The following PSMD14 variants were observed in gnomAD, a reference collection of about 807,000 sequenced individuals.
PSMD14 encodes the protein ubiquitin C-terminal hydrolase PSMD14.
PSMD14 carries 7 observed loss-of-function variants against 41.2 expected under a neutral mutation model. The ratio of observed to expected loss-of-function variants is 0.17; its 90% CI spans 0.10 to 0.32. PSMD14 has a LOEUF of 0.32. PSMD14 is among the 10% of genes least tolerant of loss of function. PSMD14 has a pLI of 1.00. For missense variants in PSMD14, 139 were observed against 375.6 expected, an observed-to-expected ratio of 0.37 and a Z score of 5.21; for synonymous variants, 114 against 122.3, an observed-to-expected ratio of 0.93 and a Z score of 0.45.
intron 3 of PSMD14, among the ~76,000 whole-genome samples, chr2:161,364,414 G>A (rs4664420): frequency 0.67 from 102,358 of 151,850 alleles, 34,760 homozygotes; most frequent in Admixed American, 0.73. Flanking sequence ...TGCAACATTT[G>A]GGGAGGAAAA....
chr2:161,327,946 C>CTGTGTGTGTGTGTG (rs369674882), intron 3 of PSMD14, among the ~76,000 whole-genome samples: 11,298 of 116,778 alleles, frequency 0.097, 942 homozygotes, highest in Non-Finnish European at 0.11. Context: ...CTCATGTAAG[C>CTGTGTGTGTGTGTG]TGTGTGTGTG....
chr2:161,332,991 TAA>T (rs1445375486), intron 3 of PSMD14, among the ~76,000 whole-genome samples: 2 of 152,214 alleles, frequency 1.3e-5, no homozygotes, highest in Admixed American at 6.5e-5. Context: ...AATAAGTGTA[TAA>T]GAGCATAGTA....
intron 3 of PSMD14, among the ~76,000 whole-genome samples, chr2:161,356,626 C>T (rs1683201807): frequency 6.6e-6 from 1 of 151,764 alleles, no homozygotes; most frequent in Non-Finnish European, 1.5e-5. Context: ...GTTCCTAAAG[C>T]CTATTTTCTT....
chr2:161,343,180 G>A (rs895528305), intron 3 of PSMD14, among the ~76,000 whole-genome samples: 12 of 151,806 alleles, frequency 7.9e-5, no homozygotes, highest in Admixed American at 1.3e-4. Context: ...CTTTTTCATC[G>A]TCCCAAACTG....
chr2:161,339,348 G>A (rs910241061), intron 3 of PSMD14, among the ~76,000 whole-genome samples: 2 of 152,084 alleles, frequency 1.3e-5, no homozygotes, highest in African/African-American at 4.8e-5. Flanking sequence ...GTGGTTAATA[G>A]TATCTGATTG....
chr2:161,310,854 A>G (rs1419227399), intron 1 of PSMD14, among the ~76,000 whole-genome samples: 1 of 151,954 alleles, frequency 6.6e-6, no homozygotes, highest in Non-Finnish European at 1.5e-5. Context: ...CCCTTTACAT[A>G]TTTTTTATGG....
At chr2:161,387,793 T>C (rs1479988425) in intron 8 of PSMD14, among the ~76,000 whole-genome samples, 1 of 152,000 alleles carries the variant, frequency 6.6e-6, no homozygotes, top group Non-Finnish European at 1.5e-5. Flanking sequence ...GTGAAACATA[T>C]ATTGCTTTTA....
chr2:161,379,006 G>A (rs1574135941), intron 7 of PSMD14, among the ~76,000 whole-genome samples: 2 of 152,104 alleles, frequency 1.3e-5, no homozygotes, highest in South Asian at 4.1e-4. Context: ...TTGTTTGAAT[G>A]TGGTGTTACA....
intron 3 of PSMD14, among the ~76,000 whole-genome samples, chr2:161,345,604 A>G (rs886500195): frequency 2.6e-5 from 4 of 151,932 alleles, no homozygotes; most frequent in African/African-American, 9.7e-5. Context: ...TTTTTTCTTT[A>G]TCACTGATTT....
chr2:161,312,439 T>C (rs1219288479), intron 1 of PSMD14, among the ~76,000 whole-genome samples: 2 of 152,186 alleles, frequency 1.3e-5, no homozygotes, highest in African/African-American at 4.8e-5. Context: ...CCACTGCACC[T>C]GGCCAAAAAT....
chr2:161,364,004 T>C (rs1683325371), intron 3 of PSMD14, among the ~76,000 whole-genome samples: 1 of 152,222 alleles, frequency 6.6e-6, no homozygotes, highest in Non-Finnish European at 1.5e-5. Flanking sequence ...TGCCTTGGTG[T>C]ACTGGAAGAA....
At chr2:161,390,930 G>A (rs1683702811) in intron 8 of PSMD14, among the ~76,000 whole-genome samples, 174 bp from the exon 9 acceptor site, 1 of 152,012 alleles carries the variant, frequency 6.6e-6, no homozygotes, top group African/African-American at 2.4e-5. Flanking sequence ...CTAAACCTTA[G>A]TTTTAAACTT....
At chr2:161,344,015 A>G (rs530735944) in intron 3 of PSMD14, among the ~76,000 whole-genome samples, 21 of 151,590 alleles carry the variant, frequency 1.4e-4, no homozygotes, top group African/African-American at 4.8e-4. Context: ...TTTACATTGT[A>G]TTAGGTATTA....
At chr2:161,322,599 G>C (rs1025269695) in intron 3 of PSMD14, among the ~76,000 whole-genome samples, 2 of 151,864 alleles carry the variant, frequency 1.3e-5, no homozygotes, top group African/African-American at 4.8e-5. Context: ...CAAGTTGGCC[G>C]GGCTGGTCTT....
chr2:161,311,521 C>T (rs915729198), intron 1 of PSMD14, among the ~76,000 whole-genome samples: 6 of 151,482 alleles, frequency 4.0e-5, no homozygotes, highest in African/African-American at 1.5e-4. Context: ...ACTTGTGTAT[C>T]CATGATTTTG....
At chr2:161,351,887 C>G (rs1293485588) in intron 3 of PSMD14, among the ~76,000 whole-genome samples, 1 of 152,120 alleles carries the variant, frequency 6.6e-6, no homozygotes, top group African/African-American at 2.4e-5. Flanking sequence ...CATACCTAAC[C>G]TCAAGAGGTT....
chr2:161,402,248 A>C (rs1683889746), intron 10 of PSMD14, among the ~76,000 whole-genome samples: 1 of 152,234 alleles, frequency 6.6e-6, no homozygotes, highest in Non-Finnish European at 1.5e-5. Flanking sequence ...CATATTGGTC[A>C]TGCATCAAAG....
chr2:161,338,529 G>A (rs2105240246), intron 3 of PSMD14, among the ~76,000 whole-genome samples: 1 of 152,158 alleles, frequency 6.6e-6, no homozygotes, highest in African/African-American at 2.4e-5. Context: ...TAATCACTGT[G>A]TATGAGAATG....
chr2:161,350,052 T>C (rs960319248), intron 3 of PSMD14, among the ~76,000 whole-genome samples: 1 of 152,218 alleles, frequency 6.6e-6, no homozygotes, highest in Non-Finnish European at 1.5e-5. Context: ...AGTATGCTTA[T>C]TTAAAGACAA....
Sources: allele counts gnomAD v4.1 joint callset (sites outside exome capture counted in the v4.1 genomes callset), GRCh38; gene constraint gnomAD v4.1.1; transcripts MANE v1.5; gene names NCBI Gene and HGNC (gene_info 2026-07-23, HGNC 2026-07-21).